Variants in LRRTM4 observed in about 807,000 individuals in gnomAD.
The protein encoded by LRRTM4 is leucine-rich repeat transmembrane neuronal protein 4.
Under a neutral mutation model 47.6 loss-of-function variants are expected in LRRTM4, and 25 were observed. The observed-to-expected ratio is 0.53, with a 90% CI of 0.38 to 0.73. The LOEUF is 0.73. LRRTM4 is among the 30% of genes least tolerant of loss of function. LRRTM4 has a pLI of 0.00. For missense variants in LRRTM4, 638 were observed against 713.4 expected, an observed-to-expected ratio of 0.89 and a Z score of 1.20; for synonymous variants, 311 against 269.5, an observed-to-expected ratio of 1.15 and a Z score of -1.51.
intron 3 of LRRTM4, among the ~76,000 whole-genome samples, chr2:77,250,174 G>A (rs1276975142): frequency 1.3e-5 from 2 of 152,064 alleles, no homozygotes; most frequent in African/African-American, 2.4e-5. Flanking sequence ...AAGGGAGGGA[G>A]GTATACCATG....
At chr2:77,426,396 T>C (rs970651161) in intron 3 of LRRTM4, among the ~76,000 whole-genome samples, 3 of 152,160 alleles carry the variant, frequency 2.0e-5, no homozygotes, top group Admixed American at 6.5e-5. Context: ...ATCACATTGA[T>C]CAGATATTGA....
intron 3 of LRRTM4, among the ~76,000 whole-genome samples, chr2:76,826,943 T>G (rs1439840380): frequency 1.3e-5 from 2 of 151,886 alleles, no homozygotes; most frequent in Non-Finnish European, 2.9e-5. Context: ...ACAGGCACAT[T>G]AAGCTTTGAT....
At chr2:77,230,229 A>T (rs1674927039) in intron 3 of LRRTM4, among the ~76,000 whole-genome samples, 1 of 152,124 alleles carries the variant, frequency 6.6e-6, no homozygotes. Context: ...TTATTAACCT[A>T]CCATTATTAA....
rs961206295 is a variant in LRRTM4 at position 77,292,794 on chromosome 2, A to G, written c.1551+225524T>C. Among the ~76,000 whole-genome samples, 8 of 151,794 alleles carry G rather than the reference A, an allele frequency of 5.3e-5. No individual in the cohort carries two copies. The South Asian group carries it at 1.7e-3, about 32-fold the overall frequency. ...GCACACCAGCATGGCACATGTATACATATGTAACTAACCTGCACATTGTGC... is the reference window on the plus strand; with the variant it reads ...GCACACCAGCATGGCACATGTATACGTATGTAACTAACCTGCACATTGTGC... On this transcript the variant is annotated intron_variant, in intron 3 of 3. Coordinates refer to ENST00000409884, the MANE Select transcript of LRRTM4 (RefSeq NM_001134745.3).
chr2:77,241,810 A>T (rs1675276683), intron 3 of LRRTM4, among the ~76,000 whole-genome samples: 1 of 152,098 alleles, frequency 6.6e-6, no homozygotes, highest in Admixed American at 6.6e-5. Flanking sequence ...ACTTATGTTT[A>T]GATCTTTGGT....
chr2:77,443,099 A>C (rs948398902), intron 3 of LRRTM4, among the ~76,000 whole-genome samples: 5 of 152,174 alleles, frequency 3.3e-5, no homozygotes, highest in African/African-American at 1.2e-4. Context: ...AAGGGTCTCA[A>C]AGAAAAGCAG....
intron 3 of LRRTM4, among the ~76,000 whole-genome samples, chr2:77,018,654 G>A (rs1168302857): frequency 6.6e-6 from 1 of 152,256 alleles, no homozygotes; most frequent in East Asian, 1.9e-4. Context: ...CTTTCCTGAA[G>A]TTAAATTTTG....
chr2:77,464,276 A>G (rs1337066541), intron 3 of LRRTM4, among the ~76,000 whole-genome samples: 1 of 152,110 alleles, frequency 6.6e-6, no homozygotes, highest in Non-Finnish European at 1.5e-5. Context: ...TTAGGTTGAC[A>G]ATGAAATCAC....
intron 3 of LRRTM4, among the ~76,000 whole-genome samples, chr2:76,972,184 G>A (rs1676242508): frequency 6.6e-6 from 1 of 151,970 alleles, no homozygotes; most frequent in East Asian, 1.9e-4. Context: ...AGTTCTCTGA[G>A]AAACTCTAGT....
intron 3 of LRRTM4, among the ~76,000 whole-genome samples, chr2:76,847,370 T>A (rs888625327): frequency 3.9e-5 from 6 of 152,144 alleles, no homozygotes; most frequent in African/African-American, 1.4e-4. Flanking sequence ...TTGAAAAGAA[T>A]TTTGAAAATT....
At chr2:76,790,708 C>T (rs531088085) in intron 3 of LRRTM4, among the ~76,000 whole-genome samples, 8 of 151,958 alleles carry the variant, frequency 5.3e-5, no homozygotes, top group Middle Eastern at 3.4e-3. Flanking sequence ...GACCCCCCCC[C>T]ACCACCTCAG....
In LRRTM4 at chr2:77,243,419, AAAAAATAAAAAAAAT is replaced by A. The variant is rs1283069110; in HGVS notation, c.1551+274884_1551+274898del. On this transcript the variant is annotated intron_variant, in intron 3 of 3. Coordinates refer to ENST00000409884, the MANE Select transcript of LRRTM4 (RefSeq NM_001134745.3). Reference sequence around the variant, plus strand: ...GAGCGAAACTCCGTCTCAAAATAAAAAAAAATAAAAAAAATAAAAAAAAAAGATAAATACTATCTG... The same window carrying A: ...GAGCGAAACTCCGTCTCAAAATAAAAAAAAAAAAAAGATAAATACTATCTG... Among the ~76,000 whole-genome samples, 20 of 36,826 alleles carry A rather than the reference AAAAAATAAAAAAAAT, an allele frequency of 5.4e-4. 1 individual carries two copies. Among genetic ancestry groups the A allele is most frequent in the African/African-American group, 1.9e-3 (20 of 10,676 alleles). 24.2% of individuals were successfully genotyped at this position (36,826 alleles called of 152,430 possible).
intron 3 of LRRTM4, among the ~76,000 whole-genome samples, chr2:77,327,495 A>AT (rs1356094101): frequency 1.3e-5 from 2 of 152,136 alleles, no homozygotes; most frequent in Non-Finnish European, 1.5e-5. Context: ...GGCATGGTAC[A>AT]TTTTTTTATT....
In LRRTM4 at chr2:77,387,619, G is replaced by T. The variant is rs569248466; in HGVS notation, c.1551+130699C>A. ...ACACACAATTCATGCTGCCTGCTTT[G>T]CCTGGACCCTTCATGTGTCTTCTGC... On this transcript the variant is annotated intron_variant, in intron 3 of 3. Coordinates refer to ENST00000409884, the MANE Select transcript of LRRTM4 (RefSeq NM_001134745.3). 5.3e-5 allele frequency among the ~76,000 whole-genome samples: 8 copies of T among 152,182 alleles called. No individual in the cohort carries two copies. The South Asian group carries it at 1.7e-3, about 32-fold the overall frequency.
intron 3 of LRRTM4, among the ~76,000 whole-genome samples, chr2:77,351,126 G>A (rs569745392): frequency 6.6e-6 from 1 of 152,090 alleles, no homozygotes; most frequent in Admixed American, 6.5e-5. Context: ...ATGTGCTCAC[G>A]TGTTATCATC....
At chr2:76,777,348 G>A (rs1212720610) in intron 3 of LRRTM4, among the ~76,000 whole-genome samples, 9 of 141,536 alleles carry the variant, frequency 6.4e-5, no homozygotes, top group Non-Finnish European at 1.4e-4. Flanking sequence ...ATTACCTTGG[G>A]CAGTATGGCC....
At position 77,106,976 on chromosome 2, in the gene LRRTM4, G is replaced by A. The variant is rs548290640; in HGVS notation, c.1552-358060C>T. 3.9e-3 allele frequency among the ~76,000 whole-genome samples: 595 copies of A among 152,068 alleles called. 3 individuals carry two copies. The highest frequency in any genetic ancestry group is 0.011 in the African/African-American group (455 of 41,530). On this transcript the variant is annotated intron_variant, in intron 3 of 3. Coordinates refer to ENST00000409884, the MANE Select transcript of LRRTM4 (RefSeq NM_001134745.3). ...GATAAAAAAAAGAAACTATATGTAA[G>A]AAAATTAATATTTTTGAGAAATATA...
intron 3 of LRRTM4, among the ~76,000 whole-genome samples, chr2:77,511,131 T>C (rs558419230): frequency 6.6e-6 from 1 of 152,222 alleles, no homozygotes; most frequent in East Asian, 1.9e-4. Context: ...AAAACAATCA[T>C]ACCAAATTGA....
chr2:77,442,899 G>T (rs1234073731), intron 3 of LRRTM4, among the ~76,000 whole-genome samples: 2 of 152,278 alleles, frequency 1.3e-5, no homozygotes, highest in East Asian at 3.9e-4. Context: ...TGGAAGATTA[G>T]TCTAAGCATT....
Sources: allele counts gnomAD v4.1 joint callset (sites outside exome capture counted in the v4.1 genomes callset), GRCh38; gene constraint gnomAD v4.1.1; transcripts MANE v1.5; gene names NCBI Gene and HGNC (gene_info 2026-07-23, HGNC 2026-07-21).